The following TCERG1L variants were observed in gnomAD, a reference collection of about 807,000 sequenced individuals.
The protein encoded by TCERG1L is transcription elongation regulator 1-like protein.
A neutral mutation model predicts 56.3 loss-of-function variants in TCERG1L; 37 were observed. The observed-to-expected ratio is 0.66, with a 90% CI of 0.51 to 0.87. The LOEUF (loss-of-function observed/expected upper bound fraction) is 0.87. Among genes scored for constraint, TCERG1L ranks in the 40% least tolerant of loss-of-function variants. TCERG1L has a pLI of 0.00. For synonymous variants in TCERG1L, 324 were observed against 326.3 expected (o/e 0.99, Z 0.08); for missense variants, 799 against 774.2 (o/e 1.03, Z -0.38).
At chr10:131,287,465 C>A (rs752115727) in intron 3 of TCERG1L, among the ~76,000 whole-genome samples, 4 of 152,218 alleles carry the variant, frequency 2.6e-5, no homozygotes, top group Non-Finnish European at 5.9e-5. Context: ...AAATACAAAT[C>A]TCACTTAATT....
At chr10:131,245,217 G>C (rs1846018255) in intron 4 of TCERG1L, among the ~76,000 whole-genome samples, 1 of 152,204 alleles carries the variant, frequency 6.6e-6, no homozygotes, top group Non-Finnish European at 1.5e-5. Context: ...ACACACACCA[G>C]AGAAAGTGTC....
intron 4 of TCERG1L, among the ~76,000 whole-genome samples, chr10:131,239,500 G>GAA (rs1413698740): frequency 6.6e-6 from 1 of 152,204 alleles, no homozygotes; most frequent in African/African-American, 2.4e-5. Context: ...GTCAAATAAT[G>GAA]AAAACAAGTT....
rs115527509 is a variant in TCERG1L at position 131,196,786 on chromosome 10, T to G, written c.857-29901A>C. 4.9e-3 allele frequency among the ~76,000 whole-genome samples: 742 copies of G among 152,342 alleles called. 4 individuals are homozygous for G. Among genetic ancestry groups the G allele is most frequent in the African/African-American group, 0.016 (679 of 41,586 alleles). ...AGGAATAAACATTCTACCAAAAAAG[T>G]AGCATTGACCTCTGCTGTCATCATG... On this transcript the variant is annotated intron_variant, in intron 4 of 11. Coordinates refer to ENST00000368642, the MANE Select transcript of TCERG1L (RefSeq NM_174937.4).
At chr10:131,166,999 G>T in intron 4 of TCERG1L, 114 bp from the exon 5 acceptor site, 1 of 843,332 alleles carries the variant, frequency 1.2e-6, no homozygotes, top group Non-Finnish European at 1.8e-6. Context: ...AGTAGACACT[G>T]TGCATTCCAC....
rs1049397985 is a variant in TCERG1L, at chr10:131,260,502, A to G, written c.671-58T>C. ...GGACGACCAGGGCCATGGGTGACAGATGCCCATCTCGCTACCGCAAGATAT... is the reference window on the plus strand; with the variant it reads ...GGACGACCAGGGCCATGGGTGACAGGTGCCCATCTCGCTACCGCAAGATAT... On this transcript the variant is annotated intron_variant, in intron 3 of 11. Transcript: ENST00000368642. The surrounding 1 kb of genome is among the most constrained non-coding windows in gnomAD (Gnocchi z 5.8). The G allele has an allele frequency of 7.5e-7, 1 of 1,332,102 alleles. No homozygotes were observed. The allele number at this position is 1,332,102 out of a possible 1,614,324, so 82.5% of individuals were successfully genotyped here.
At chr10:131,101,967 G>C (rs1248914062) in intron 10 of TCERG1L, among the ~76,000 whole-genome samples, 1 of 152,174 alleles carries the variant, frequency 6.6e-6, no homozygotes, top group Non-Finnish European at 1.5e-5. Context: ...CTCCCAAAGG[G>C]CTGGGATTAC....
At chr10:131,104,427 C>T (rs1417814655) in intron 9 of TCERG1L, 73 bp from the exon 10 acceptor site, 4 of 968,754 alleles carry the variant, frequency 4.1e-6, no homozygotes, top group Non-Finnish European at 6.4e-6. Context: ...AAATGATCCA[C>T]AGTTAAAAAC....
rs370357435 is a variant in TCERG1L, at chr10:131,305,807, T to C, written c.670+2404A>G. Among the ~76,000 whole-genome samples, 257 of 151,420 alleles carry C rather than the reference T, an allele frequency of 1.7e-3. 6 individuals carry two copies. The highest frequency in any genetic ancestry group is 6.0e-3 in the African/African-American group (247 of 40,864). Reference sequence around the variant, plus strand: ...GGCCACTTATTTCTGAATATAAAACTTTATAACAAGATTGATCTTTGTAAT... The same window carrying C: ...GGCCACTTATTTCTGAATATAAAACCTTATAACAAGATTGATCTTTGTAAT... On this transcript the variant is annotated intron_variant, in intron 3 of 11. Coordinates refer to ENST00000368642, the MANE Select transcript of TCERG1L (RefSeq NM_174937.4).
rs757290838 is a variant in TCERG1L at position 131,108,884 on chromosome 10, C to T, written c.1396-4530G>A. 7.9e-5 allele frequency among the ~76,000 whole-genome samples: 12 copies of T among 152,186 alleles called. No homozygotes were observed. The East Asian group carries it at 9.7e-4, about 12-fold the overall frequency. On this transcript the variant is annotated intron_variant, in intron 9 of 11. Coordinates refer to ENST00000368642, the MANE Select transcript of TCERG1L (RefSeq NM_174937.4). ...GCCAGCTAAGAGCCAATCTTGGCTCCGAGCGGCTGCCTGCAGGTCCTTGCC... is the reference window on the plus strand; with the variant it reads ...GCCAGCTAAGAGCCAATCTTGGCTCTGAGCGGCTGCCTGCAGGTCCTTGCC...
chr10:131,194,842 C>T (rs956923846), intron 4 of TCERG1L, among the ~76,000 whole-genome samples: 2 of 152,128 alleles, frequency 1.3e-5, no homozygotes, highest in African/African-American at 4.8e-5. Flanking sequence ...TATCTGAGTC[C>T]CGGAAACATA....
At chr10:131,273,888 T>C (rs1564831132) in intron 3 of TCERG1L, among the ~76,000 whole-genome samples, 1 of 152,132 alleles carries the variant, frequency 6.6e-6, no homozygotes, top group Non-Finnish European at 1.5e-5. Flanking sequence ...TTACTCAAAG[T>C]GAAAGTCAGG....
intron 3 of TCERG1L, among the ~76,000 whole-genome samples, chr10:131,285,538 A>AAAAGAAAAG (rs150741439): frequency 0.039 from 1,431 of 37,164 alleles, 97 homozygotes; most frequent in African/African-American, 0.056. Flanking sequence ...GAAAGAAAAG[A>AAAAGAAAAG]AAAGAAAGAA....
chr10:131,275,107 C>T (rs1846378697), intron 3 of TCERG1L, among the ~76,000 whole-genome samples: 2 of 152,354 alleles, frequency 1.3e-5, no homozygotes, highest in Admixed American at 1.3e-4. Flanking sequence ...TCACCCTGTC[C>T]CTCCACCCCA....
chr10:131,177,073 T>C (rs111072456), intron 4 of TCERG1L, among the ~76,000 whole-genome samples: 109 of 83,694 alleles, frequency 1.3e-3, no homozygotes, highest in African/African-American at 1.8e-3. Context: ...CACAGACACA[T>C]ACACACACAC....
At chr10:131,245,769 G>A (rs898477357) in intron 4 of TCERG1L, among the ~76,000 whole-genome samples, 2 of 152,184 alleles carry the variant, frequency 1.3e-5, no homozygotes, top group African/African-American at 2.4e-5. Flanking sequence ...TGGCGGGAGG[G>A]GTGCAGTGGG....
intron 4 of TCERG1L, among the ~76,000 whole-genome samples, chr10:131,246,386 G>T (rs1846037608): frequency 6.6e-6 from 1 of 152,156 alleles, no homozygotes; most frequent in Non-Finnish European, 1.5e-5. Flanking sequence ...GGGCGGCCAT[G>T]CTGGACCTGG....
chr10:131,187,771 T>C (rs978184647), intron 4 of TCERG1L, among the ~76,000 whole-genome samples: 4 of 152,198 alleles, frequency 2.6e-5, no homozygotes, highest in Non-Finnish European at 5.9e-5. Flanking sequence ...AGAGCTTTCA[T>C]GACAGGCCAA....
At chr10:131,238,041 T>A (rs987797178) in intron 4 of TCERG1L, among the ~76,000 whole-genome samples, 1 of 152,194 alleles carries the variant, frequency 6.6e-6, no homozygotes, top group African/African-American at 2.4e-5. Context: ...TACTTTTTTG[T>A]GTTTTGAAAA....
chr10:131,278,144 G>T (rs928712932), intron 3 of TCERG1L, among the ~76,000 whole-genome samples: 1 of 151,822 alleles, frequency 6.6e-6, no homozygotes, highest in Non-Finnish European at 1.5e-5. Context: ...GAGCACCGGT[G>T]GGGCTCCTTC....
Sources: allele counts gnomAD v4.1 joint callset (sites outside exome capture counted in the v4.1 genomes callset), GRCh38; gene constraint gnomAD v4.1.1; non-coding constraint Gnocchi (gnomAD v3.1); transcripts MANE v1.5; gene names NCBI Gene and HGNC (gene_info 2026-07-23, HGNC 2026-07-21).